BMPR1B: variants seen among roughly 807,000 people sequenced by gnomAD.
BMPR1B encodes the protein bone morphogenetic protein receptor type 1B.
Under a neutral mutation model 59.1 loss-of-function variants are expected in BMPR1B, and 12 were observed. The observed-to-expected ratio is 0.20, with a 90% CI of 0.13 to 0.33. BMPR1B has a LOEUF of 0.33. BMPR1B is among the 10% of genes least tolerant of loss of function. The pLI is 1.00. For synonymous variants in BMPR1B, 237 were observed against 207.3 expected (o/e 1.14, Z -1.23); for missense variants, 550 against 610.9 (o/e 0.90, Z 1.05).
chr4:95,119,072 T>C (rs542031297), intron 6 of BMPR1B, among the ~76,000 whole-genome samples: 1 of 152,332 alleles, frequency 6.6e-6, no homozygotes, highest in South Asian at 2.1e-4. Flanking sequence ...GCAGTGAAGC[T>C]TGGAGTCTTA....
At chr4:95,123,177 A>G (rs944759218) in intron 6 of BMPR1B, among the ~76,000 whole-genome samples, 8 of 152,210 alleles carry the variant, frequency 5.3e-5, no homozygotes, top group Non-Finnish European at 1.2e-4. Flanking sequence ...TTGTTGTATA[A>G]AAGTATCATA....
chr4:95,131,748 A>G (rs1000022322), intron 10 of BMPR1B, among the ~76,000 whole-genome samples: 3 of 152,224 alleles, frequency 2.0e-5, no homozygotes, highest in African/African-American at 7.2e-5. Context: ...TGCAGCTGTC[A>G]TTAAGTTATA....
chr4:95,045,360 C>A (rs1725966178), intron 3 of BMPR1B, among the ~76,000 whole-genome samples: 1 of 152,116 alleles, frequency 6.6e-6, no homozygotes, highest in Admixed American at 6.5e-5. Flanking sequence ...TGCTTACCTC[C>A]AGAAATGAAG....
intron 1 of BMPR1B, among the ~76,000 whole-genome samples, chr4:94,768,618 A>G (rs1280020157): frequency 6.6e-6 from 1 of 152,150 alleles, no homozygotes; most frequent in Admixed American, 6.5e-5. Context: ...TATTGTGAAT[A>G]TCAACAGTTT....
At chr4:95,134,727 T>C (rs1017398667) in intron 10 of BMPR1B, among the ~76,000 whole-genome samples, 3 of 152,332 alleles carry the variant, frequency 2.0e-5, no homozygotes, top group African/African-American at 7.2e-5. Context: ...TTTTTTCTTG[T>C]AAATTTGTTT....
chr4:94,994,634 T>C (rs1180445202), intron 2 of BMPR1B, among the ~76,000 whole-genome samples: 2 of 152,218 alleles, frequency 1.3e-5, no homozygotes, highest in African/African-American at 4.8e-5. Flanking sequence ...GAATATTAAT[T>C]TTTGCATTAA....
At chr4:95,091,946 TC>T (rs1730022766) in intron 3 of BMPR1B, among the ~76,000 whole-genome samples, 1 of 152,120 alleles carries the variant, frequency 6.6e-6, no homozygotes. Flanking sequence ...CTACACATTT[TC>T]AACACTGTCA....
intron 3 of BMPR1B, among the ~76,000 whole-genome samples, chr4:95,011,447 C>T (rs1213607092): frequency 1.3e-5 from 2 of 152,170 alleles, no homozygotes; most frequent in African/African-American, 4.8e-5. Flanking sequence ...CTCCGCCAGC[C>T]TAGCCTGTGG....
intron 1 of BMPR1B, among the ~76,000 whole-genome samples, chr4:94,761,031 G>A (rs1721741408): frequency 6.6e-6 from 1 of 152,144 alleles, no homozygotes; most frequent in Admixed American, 6.5e-5. Context: ...TAGAAAGTGA[G>A]GCTAGGATGG....
At chr4:94,887,831 T>C (rs1016392373) in intron 2 of BMPR1B, among the ~76,000 whole-genome samples, 1 of 152,004 alleles carries the variant, frequency 6.6e-6, no homozygotes, top group Non-Finnish European at 1.5e-5. Flanking sequence ...AAAACCAATA[T>C]TTAAAACTAT....
chr4:95,129,805 AT>A, intron 8 of BMPR1B, 56 bp from the exon 9 acceptor site: 1 of 1,573,348 alleles, frequency 6.4e-7, no homozygotes, highest in South Asian at 1.1e-5. Context: ...AGAAAAAAAG[AT>A]TAAACAAATC....
intron 8 of BMPR1B, among the ~76,000 whole-genome samples, chr4:95,127,814 A>G (rs1233602971): frequency 6.6e-6 from 1 of 151,890 alleles, no homozygotes; most frequent in African/African-American, 2.4e-5. Flanking sequence ...ATAAATTACG[A>G]AATTTATAAT....
intron 1 of BMPR1B, among the ~76,000 whole-genome samples, chr4:94,799,707 C>T (rs1324559891): frequency 2.7e-5 from 4 of 150,268 alleles, no homozygotes; most frequent in African/African-American, 9.8e-5. Flanking sequence ...TGTTTTTGTT[C>T]TGAGACAGAG....
chr4:94,882,240 C>T (rs1368310285), intron 2 of BMPR1B, among the ~76,000 whole-genome samples: 5 of 151,994 alleles, frequency 3.3e-5, no homozygotes, highest in African/African-American at 4.8e-5. Context: ...CTTCATAGCA[C>T]GCAGAGGGAA....
intron 10 of BMPR1B, among the ~76,000 whole-genome samples, chr4:95,141,676 G>T (rs1734239985): frequency 6.6e-6 from 1 of 152,180 alleles, no homozygotes; most frequent in South Asian, 2.1e-4. Context: ...ATGCCTTGAA[G>T]AAACTTACAA....
At chr4:94,773,972 A>G (rs2110576032) in intron 1 of BMPR1B, among the ~76,000 whole-genome samples, 1 of 152,134 alleles carries the variant, frequency 6.6e-6, no homozygotes, top group South Asian at 2.1e-4. Context: ...AAATGTTAAG[A>G]TTTCTTGAAA....
intron 2 of BMPR1B, among the ~76,000 whole-genome samples, chr4:94,978,751 G>A (rs1167170650): frequency 6.6e-6 from 1 of 152,180 alleles, no homozygotes; most frequent in African/African-American, 2.4e-5. Context: ...GGGAGAGATT[G>A]TAGTGGCCAT....
chr4:94,867,277 G>A, intron 1 of BMPR1B, among the ~76,000 whole-genome samples: 1 of 152,202 alleles, frequency 6.6e-6, no homozygotes, highest in South Asian at 2.1e-4. Context: ...CTTATTAAAA[G>A]GGGTCAACAT....
Position 95,157,511 on chromosome 4 carries a change from A to G in BMPR1B, c.*2838A>G, listed in dbSNP as rs1240388280. 2 of 152,068 alleles carry G rather than the reference A, an allele frequency of 1.3e-5. No individual in the cohort carries two copies. Among genetic ancestry groups the G allele is most frequent in the African/African-American group, 2.4e-5 (1 of 41,444 alleles). The allele number at this position is 152,068 out of a possible 1,614,324, so 9.4% of individuals were successfully genotyped here. On this transcript the variant is annotated 3_prime_UTR_variant, in exon 13 of 13. Transcript: ENST00000515059. ...ACTGTCAGGACTATTTCAAAGACTA[A>G]GAAGAGTTTCTTCTAACCCCTCCCT... is the stretch of plus-strand genomic sequence containing the variant.
Sources: allele counts gnomAD v4.1 joint callset (sites outside exome capture counted in the v4.1 genomes callset), GRCh38; gene constraint gnomAD v4.1.1; transcripts MANE v1.5; gene names NCBI Gene and HGNC (gene_info 2026-07-23, HGNC 2026-07-21).